Variants in PCDH11X observed in about 807,000 individuals in gnomAD.
PCDH11X encodes the protein protocadherin 11 X-linked.
PCDH11X carries 18 observed loss-of-function variants against 53.3 expected under a neutral mutation model. The ratio of observed to expected loss-of-function variants is 0.34; its 90% confidence interval spans 0.23 to 0.50. The LOEUF (loss-of-function observed/expected upper bound fraction) is 0.50. PCDH11X is among the 20% of genes least tolerant of loss of function. The pLI is 0.98. For missense variants in PCDH11X, 570 were observed against 1,032.4 expected (o/e 0.55, Z 6.14); for synonymous variants, 279 against 393.3 (o/e 0.71, Z 3.44).
intron 6 of PCDH11X, among the ~76,000 whole-genome samples, chrX:92,084,130 C>G (rs1350223129): frequency 9.0e-6 from 1 of 110,958 alleles, no homozygotes; most frequent in Non-Finnish European, 1.9e-5. Flanking sequence ...AAAAAAGGAT[C>G]TTAGAGAGGA....
At chrX:92,276,428 C>T (rs948319173) in intron 8 of PCDH11X, among the ~76,000 whole-genome samples, 5 of 110,041 alleles carry the variant, frequency 4.5e-5, no homozygotes, top group Admixed American at 2.0e-4. Context: ...AGTCCGATTT[C>T]CAGTGGGGTC....
At chrX:91,909,518 C>T (rs1602476437) in intron 6 of PCDH11X, among the ~76,000 whole-genome samples, 1 of 109,056 alleles carries the variant, frequency 9.2e-6, no homozygotes, top group Non-Finnish European at 1.9e-5. Flanking sequence ...CAGTGGTTTG[C>T]TGATTTAAAA....
chrX:91,881,747 A>G (rs1233822909), intron 6 of PCDH11X, among the ~76,000 whole-genome samples: 2 of 110,639 alleles, frequency 1.8e-5, no homozygotes, highest in Non-Finnish European at 3.8e-5. Context: ...TTTTTAAAGA[A>G]ATATCATACA....
chrX:92,112,331 T>TAA (rs72029186), intron 6 of PCDH11X, among the ~76,000 whole-genome samples: 5 of 89,085 alleles, frequency 5.6e-5, no homozygotes, highest in Admixed American at 1.2e-4. Flanking sequence ...GATGTTCTGG[T>TAA]AAAAAAAAAA....
chrX:91,844,311 T>G (rs1488312373), intron 5 of PCDH11X, among the ~76,000 whole-genome samples: 1 of 110,798 alleles, frequency 9.0e-6, no homozygotes, highest in African/African-American at 3.3e-5. Flanking sequence ...GTTTTTGTTT[T>G]GTTTTGTTTT....
At chrX:92,214,623 T>C (rs778032904) in intron 7 of PCDH11X, among the ~76,000 whole-genome samples, 70 of 111,375 alleles carry the variant, frequency 6.3e-4, no homozygotes, top group African/African-American at 2.0e-3. Context: ...CATCTGAAAA[T>C]TGGAAGGTAA....
chrX:91,890,675 A>C (rs953070911), intron 6 of PCDH11X, among the ~76,000 whole-genome samples: 3 of 109,143 alleles, frequency 2.7e-5, no homozygotes, highest in Non-Finnish European at 5.7e-5. Flanking sequence ...TTTATTTTGC[A>C]TTGTTACATT....
chrX:92,608,919 G>C (rs1434051883), intron 10 of PCDH11X, among the ~76,000 whole-genome samples: 2 of 110,491 alleles, frequency 1.8e-5, no homozygotes, highest in African/African-American at 6.6e-5. Context: ...TGAATTCCCA[G>C]CTCCTGGCGA....
At chrX:91,974,911 C>T (rs1273658206) in intron 6 of PCDH11X, among the ~76,000 whole-genome samples, 1 of 110,131 alleles carries the variant, frequency 9.1e-6, no homozygotes, top group African/African-American at 3.3e-5. Flanking sequence ...TGCCACCATG[C>T]CCGGCTAATT....
intron 5 of PCDH11X, among the ~76,000 whole-genome samples, chrX:91,868,409 A>G (rs1460854715): frequency 9.0e-6 from 1 of 111,608 alleles, no homozygotes; most frequent in Non-Finnish European, 1.9e-5. Context: ...CATGTGATAG[A>G]GAAACTGAAA....
intron 6 of PCDH11X, among the ~76,000 whole-genome samples, chrX:91,963,451 C>G (rs1366233494): frequency 9.2e-6 from 1 of 108,770 alleles, no homozygotes; most frequent in Non-Finnish European, 1.9e-5. Flanking sequence ...TACTTCCCAA[C>G]AAATTCCCCA....
At chrX:92,462,361 G>T (rs2073066504) in intron 9 of PCDH11X, among the ~76,000 whole-genome samples, 1 of 110,358 alleles carries the variant, frequency 9.1e-6, no homozygotes, top group African/African-American at 3.3e-5. Flanking sequence ...TCATGCAAAG[G>T]AACACGCTTT....
intron 6 of PCDH11X, among the ~76,000 whole-genome samples, chrX:92,167,834 A>T (rs2065759591): frequency 8.9e-6 from 1 of 111,788 alleles, no homozygotes; most frequent in Non-Finnish European, 1.9e-5. Flanking sequence ...TGTATAATAG[A>T]AAATGTGTAA....
chrX:92,238,180 T>C (rs2067204144), intron 7 of PCDH11X, among the ~76,000 whole-genome samples: 1 of 111,875 alleles, frequency 8.9e-6, no homozygotes, highest in South Asian at 3.7e-4. Flanking sequence ...TTAAAATGCA[T>C]CTTGTGACTT....
At chrX:92,238,282 G>T (rs1177130537) in intron 7 of PCDH11X, among the ~76,000 whole-genome samples, 3 of 111,798 alleles carry the variant, frequency 2.7e-5, no homozygotes, top group Non-Finnish European at 5.7e-5. Flanking sequence ...TGTTGTATAT[G>T]TGTGTACTGT....
chrX:92,052,163 T>G (rs1448311879), intron 6 of PCDH11X, among the ~76,000 whole-genome samples: 1 of 112,122 alleles, frequency 8.9e-6, no homozygotes, highest in Non-Finnish European at 1.9e-5. Context: ...ACTTGAATGT[T>G]TAACTAGTAT....
At chrX:92,254,211 T>C (rs989780312) in intron 7 of PCDH11X, among the ~76,000 whole-genome samples, 1 of 112,225 alleles carries the variant, frequency 8.9e-6, no homozygotes, top group African/African-American at 3.2e-5. Context: ...GTTCTGTTGA[T>C]ACAATGTATC....
At chrX:92,518,842 C>T (rs2074318222) in intron 10 of PCDH11X, among the ~76,000 whole-genome samples, 2 of 101,463 alleles carry the variant, frequency 2.0e-5, no homozygotes, top group Admixed American at 1.1e-4. Flanking sequence ...CTGTAAGCTC[C>T]ACCTCCCAGG....
At chrX:92,258,209 G>C (rs1261999040) in intron 7 of PCDH11X, among the ~76,000 whole-genome samples, 4 of 110,924 alleles carry the variant, frequency 3.6e-5, no homozygotes, top group African/African-American at 1.3e-4. Flanking sequence ...GTGCAGTGCA[G>C]CAGGGTCCTC....
Sources: allele counts gnomAD v4.1 joint callset (sites outside exome capture counted in the v4.1 genomes callset), GRCh38; gene constraint gnomAD v4.1.1; transcripts MANE v1.5; gene names NCBI Gene and HGNC (gene_info 2026-07-23, HGNC 2026-07-21).